LUZP2: variants seen among roughly 807,000 people sequenced by gnomAD.
The protein encoded by LUZP2 is leucine zipper protein 2.
Under a neutral mutation model 51.6 loss-of-function variants are expected in LUZP2, and 52 were observed. The ratio of observed to expected loss-of-function variants is 1.01; its 90% CI spans 0.81 to 1.27. The LOEUF (loss-of-function observed/expected upper bound fraction) is 1.27. LUZP2 is among the 50% of genes most tolerant of loss of function. The probability of loss-of-function intolerance (pLI) is 0.00; values close to 1 mark genes in which losing one functional copy is unlikely to be tolerated. For missense variants in LUZP2, 436 were observed against 395.4 expected (o/e 1.10, Z -0.87); for synonymous variants, 154 against 137.3 (o/e 1.12, Z -0.85).
chr11:24,656,556 G>T (rs762063705), intron 1 of LUZP2, among the ~76,000 whole-genome samples: 3 of 152,188 alleles, frequency 2.0e-5, no homozygotes, highest in African/African-American at 4.8e-5. Flanking sequence ...CAAGGTGTCT[G>T]CAGGGCCTCA....
At chr11:24,646,613 G>A in intron 1 of LUZP2, 1 of 984,564 alleles carries the variant, frequency 1.0e-6, no homozygotes, top group Non-Finnish European at 1.2e-6. Context: ...GAGTTTGTCA[G>A]GTATCAATGA....
intron 5 of LUZP2, among the ~76,000 whole-genome samples, chr11:24,905,191 C>G (rs577485961): frequency 6.6e-6 from 1 of 152,090 alleles, no homozygotes; most frequent in African/African-American, 2.4e-5. Flanking sequence ...ACCCCACTTT[C>G]AGAACTAGAC....
Position 25,080,809 on chromosome 11 carries a change from A to G in LUZP2, c.*2151A>G, listed in dbSNP as rs2134067544. 6.6e-6 allele frequency: 1 copy of G among 152,252 alleles called. No homozygotes were observed. 9.4% of individuals were successfully genotyped at this position (152,252 alleles called of 1,614,324 possible). ...TAGAAAGTTATTCACCATGTAATCTAGCACAGCATGTTTTGAAGCATCTTT... is the reference window on the plus strand; with the variant it reads ...TAGAAAGTTATTCACCATGTAATCTGGCACAGCATGTTTTGAAGCATCTTT... On this transcript the variant is annotated 3_prime_UTR_variant, in exon 12 of 12. Coordinates refer to ENST00000336930, the MANE Select transcript of LUZP2 (RefSeq NM_001009909.4).
chr11:25,020,347 G>T (rs1392679257), intron 9 of LUZP2, among the ~76,000 whole-genome samples: 2 of 152,034 alleles, frequency 1.3e-5, no homozygotes, highest in Non-Finnish European at 2.9e-5. Context: ...AATAAATTGT[G>T]ATAATTAATC....
At chr11:24,937,071 C>CAT (rs746505194) in intron 7 of LUZP2, among the ~76,000 whole-genome samples, 1 of 151,948 alleles carries the variant, frequency 6.6e-6, no homozygotes, top group South Asian at 2.1e-4. Context: ...CACACACACA[C>CAT]ATGAGTAAAA....
At chr11:24,898,114 G>C (rs1853143241) in intron 5 of LUZP2, among the ~76,000 whole-genome samples, 1 of 152,056 alleles carries the variant, frequency 6.6e-6, no homozygotes, top group South Asian at 2.1e-4. Flanking sequence ...TTTCAAAATT[G>C]TACAACTCCT....
intron 1 of LUZP2, among the ~76,000 whole-genome samples, chr11:24,629,490 G>T (rs1854800465): frequency 6.9e-6 from 1 of 143,954 alleles, no homozygotes; most frequent in African/African-American, 2.6e-5. Flanking sequence ...ATATTCCATT[G>T]CATATATATA....
At chr11:24,504,347 A>G (rs901314922) in intron 1 of LUZP2, among the ~76,000 whole-genome samples, 1 of 152,136 alleles carries the variant, frequency 6.6e-6, no homozygotes, top group Admixed American at 6.5e-5. Flanking sequence ...TTTGGTTTAC[A>G]TTTCTCTACA....
chr11:24,806,465 A>G (rs1285586982), intron 5 of LUZP2, among the ~76,000 whole-genome samples: 2 of 152,190 alleles, frequency 1.3e-5, no homozygotes, highest in Admixed American at 1.3e-4. Context: ...TTACTAAGAC[A>G]TTGTATAGGA....
intron 1 of LUZP2, among the ~76,000 whole-genome samples, chr11:24,656,304 T>C (rs1855801182): frequency 6.6e-6 from 1 of 152,296 alleles, no homozygotes; most frequent in Non-Finnish European, 1.5e-5. Context: ...CACAAATTTA[T>C]ATTCTTAAGA....
At chr11:25,047,542 G>A (rs796865728) in intron 9 of LUZP2, among the ~76,000 whole-genome samples, 8 of 151,798 alleles carry the variant, frequency 5.3e-5, no homozygotes, top group African/African-American at 1.9e-4. Context: ...CTTTTCTTCA[G>A]TTTCTATATT....
chr11:24,897,792 T>C (rs1352924040), intron 5 of LUZP2, among the ~76,000 whole-genome samples: 1 of 152,188 alleles, frequency 6.6e-6, no homozygotes, highest in Admixed American at 6.5e-5. Context: ...GTTTATGTTT[T>C]TGTCCTTTTT....
At chr11:24,570,079 C>A (rs1852384718) in intron 1 of LUZP2, among the ~76,000 whole-genome samples, 1 of 151,946 alleles carries the variant, frequency 6.6e-6, no homozygotes, top group Non-Finnish European at 1.5e-5. Context: ...ATGAACATAA[C>A]CTTTTTTGTA....
In LUZP2 at chr11:24,674,570, G is replaced by T. The variant is rs563326633; in HGVS notation, c.63-54599G>T. ...TTTCCCACTAATTTAAGATATGGACGGTGACATTTCTTCCCCTCTATTATC... is the reference window on the plus strand; with the variant it reads ...TTTCCCACTAATTTAAGATATGGACTGTGACATTTCTTCCCCTCTATTATC... On this transcript the variant is annotated intron_variant, in intron 1 of 11. Transcript: ENST00000336930. Among the ~76,000 whole-genome samples, 4 of 152,132 alleles carry T rather than the reference G, an allele frequency of 2.6e-5. No individual in the cohort carries two copies. In the South Asian group the frequency reaches 8.3e-4, roughly 32 times the overall value.
At chr11:24,678,731 A>G (rs1314809957) in intron 1 of LUZP2, among the ~76,000 whole-genome samples, 1 of 152,224 alleles carries the variant, frequency 6.6e-6, no homozygotes, top group Non-Finnish European at 1.5e-5. Context: ...TCAGAAGAGA[A>G]CAAGGTTGTC....
chr11:24,929,460 T>A (rs1157338687), intron 7 of LUZP2, among the ~76,000 whole-genome samples: 1 of 152,160 alleles, frequency 6.6e-6, no homozygotes, highest in Non-Finnish European at 1.5e-5. Context: ...ATTTCCATCT[T>A]GATATCATTG....
intron 9 of LUZP2, among the ~76,000 whole-genome samples, chr11:24,989,812 G>T (rs1470952092): frequency 6.6e-6 from 1 of 152,138 alleles, no homozygotes; most frequent in South Asian, 2.1e-4. Flanking sequence ...TTTGACCTAC[G>T]TCATCCAACT....
chr11:24,988,780 T>C (rs1348309137), intron 9 of LUZP2, among the ~76,000 whole-genome samples: 1 of 151,994 alleles, frequency 6.6e-6, no homozygotes, highest in African/African-American at 2.4e-5. Flanking sequence ...AAGCAATGCT[T>C]AGGGATATAC....
At chr11:24,916,968 T>C (rs1314220224) in intron 7 of LUZP2, among the ~76,000 whole-genome samples, 2 of 152,186 alleles carry the variant, frequency 1.3e-5, no homozygotes, top group Admixed American at 1.3e-4. Context: ...AAAGTGTTCC[T>C]ATTTCTCCAC....
Sources: gnomAD v4.1 joint callset for allele counts (sites outside exome capture counted in the v4.1 genomes callset) on GRCh38, gnomAD v4.1.1 for gene constraint, MANE v1.5 for transcripts, NCBI Gene and HGNC (gene_info 2026-07-23, HGNC 2026-07-21) for gene names.